BIN2: variants seen among roughly 807,000 people sequenced by gnomAD.
The protein encoded by BIN2 is bridging integrator 2.
In BIN2, 43 loss-of-function variants were observed where a neutral mutation model predicts 67.9. That is an observed-to-expected ratio of 0.63 (90% CI 0.50 to 0.82). The LOEUF is 0.82. Ranked by LOEUF, BIN2 falls within the 40% of genes least tolerant of loss-of-function variation. The pLI, the probability that BIN2 is intolerant of heterozygous loss-of-function variation, is 0.00. For synonymous variants in BIN2, 244 were observed against 246.8 expected, an observed-to-expected ratio of 0.99 and a Z score of 0.11; for missense variants, 581 against 671.6, an observed-to-expected ratio of 0.87 and a Z score of 1.49.
At chr12:51,314,051 T>C (rs1946063809) in intron 1 of BIN2, 148 bp from the exon 2 acceptor site, 2 of 275,106 alleles carry the variant, frequency 7.3e-6, no homozygotes, top group Middle Eastern at 1.2e-3. Context: ...TTTATTTATT[T>C]ATTTATTTAT....
intron 7 of BIN2, among the ~76,000 whole-genome samples, chr12:51,297,865 C>T (rs546618456): frequency 1.3e-5 from 2 of 152,276 alleles, no homozygotes; most frequent in Admixed American, 1.3e-4. Context: ...TTATGCAATA[C>T]AGGATGACTT....
rs1017332664 is a variant in BIN2 at position 51,313,855 on chromosome 12, C to G, written c.130G>C (p.Glu44Gln). The change falls in exon 2 of 13, where the codon GAA (glutamate) becomes CAA (glutamine). Residue 44 changes from glutamate to glutamine, a missense_variant. By Grantham distance (29) the Glu-to-Gln change is conservative (BLOSUM62 2). Transcript: ENST00000615107. Reference sequence around the variant, plus strand: ...TGGTAGAAGTTGCTAGCGCTTTGTTCAAATCGTTCATCTTTGGTTTCTACA... The same window carrying G: ...TGGTAGAAGTTGCTAGCGCTTTGTTGAAATCGTTCATCTTTGGTTTCTACA... Reference protein sequence around the residue: ...KAVETKDERFEQSASNFYQQQ... With the variant: ...KAVETKDERFQQSASNFYQQQ... The G allele has an allele frequency of 3.1e-6, 5 of 1,613,842 alleles. No homozygotes were observed. The highest frequency in any genetic ancestry group is 3.4e-6 in the Non-Finnish European group (4 of 1,179,862).
chr12:51,302,171 A>C, intron 4 of BIN2, 56 bp from the exon 5 acceptor site: 1 of 1,340,308 alleles, frequency 7.5e-7, no homozygotes, highest in Non-Finnish European at 1.1e-6. Context: ...ACAACTGCCT[A>C]CCAGGGAAAT....
At chr12:51,286,899 C>CT (rs1945249532) in intron 11 of BIN2, among the ~76,000 whole-genome samples, 1 of 149,304 alleles carries the variant, frequency 6.7e-6, no homozygotes, top group Non-Finnish European at 1.5e-5. Flanking sequence ...TCATGGCTCA[C>CT]TGTACCCTTG....
chr12:51,282,034 C>A (rs1274551194), intron 12 of BIN2, among the ~76,000 whole-genome samples: 1 of 152,150 alleles, frequency 6.6e-6, no homozygotes, highest in Non-Finnish European at 1.5e-5. Flanking sequence ...GGCACCTAGC[C>A]TCCTTAAGGA....
At chr12:51,313,783 T>C in intron 2 of BIN2, 40 bp downstream of exon 2, 1 of 1,558,572 alleles carries the variant, frequency 6.4e-7, no homozygotes, top group Non-Finnish European at 8.8e-7. Flanking sequence ...TCGTGTCTCC[T>C]TTCTTCTTCC....
intron 1 of BIN2, among the ~76,000 whole-genome samples, chr12:51,318,047 G>A (rs1946177922): frequency 6.6e-6 from 1 of 152,178 alleles, no homozygotes; most frequent in Non-Finnish European, 1.5e-5. Flanking sequence ...ACAGCAGAAA[G>A]AGGATTCCAG....
In BIN2 at chr12:51,285,463, T is replaced by A. The variant is rs553316627; in HGVS notation, c.1597-676A>T. On this transcript the variant is annotated intron_variant, in intron 11 of 12. Transcript: ENST00000615107. ...CATAGTGAGATCATCTCTAAAAATA[T>A]AAATTTTAAAAAAAAGAAAGAAAGC... Among the ~76,000 whole-genome samples, 1,157 of 151,890 alleles carry A rather than the reference T, an allele frequency of 7.6e-3. 16 individuals carry two copies. The highest frequency in any genetic ancestry group is 0.02 in the Middle Eastern group (6 of 294).
chr12:51,291,635 T>C lies in BIN2; in HGVS notation c.1471A>G (p.Asn491Asp). The C allele has an allele frequency of 3.1e-6, 5 of 1,612,948 alleles. No individual in the cohort carries two copies. Among genetic ancestry groups the C allele is most frequent in the Non-Finnish European group, 4.2e-6 (5 of 1,179,638 alleles). Reference sequence around the variant, plus strand: ...GGGGAAGTACAAAGTTCTTCAGGGTTCTGATTGTGGATGTTTTCATTTTCT... The same window carrying C: ...GGGGAAGTACAAAGTTCTTCAGGGTCCTGATTGTGGATGTTTTCATTTTCT... Reference protein sequence around the residue: ...AKENENIHNQNPEELCTSPTL... With the variant: ...AKENENIHNQDPEELCTSPTL... Residue 491 changes from asparagine (N) to aspartate (D), a missense_variant, in exon 10 of 13, where the codon AAC (asparagine) becomes GAC (aspartate). Transcript: ENST00000615107.
At position 51,324,072 on chromosome 12, in the gene BIN2, CG is replaced by C. The variant is rs1946366768; in HGVS notation, c.30del (p.Gly11AlafsTer26). MAEGKAGGAAGLFAKQVQKK... is the reference protein window; with the variant it reads MAEGKAGGAXGLFAKQVQKK... ...TTCTGCACCTGCTTGGCGAAGAGGCCGGCCGCGCCGCCTGCCTTGCCCTCTG... is the reference window on the plus strand; with the variant it reads ...TTCTGCACCTGCTTGGCGAAGAGGCCGCCGCGCCGCCTGCCTTGCCCTCTG... On this transcript the variant is annotated frameshift_variant, in exon 1 of 13. Transcript: ENST00000615107. LOFTEE classifies it high-confidence loss of function. 6.2e-7 allele frequency: 1 copy of C among 1,613,326 alleles called. No homozygotes were observed. Among genetic ancestry groups the C allele is most frequent in the South Asian group, 1.1e-5 (1 of 91,076 alleles).
In BIN2 at chr12:51,291,599, T is replaced by A; in HGVS notation, c.1507A>T (p.Thr503Ser). The A allele has an allele frequency of 6.3e-7, 1 of 1,597,434 alleles. No homozygotes were observed. The highest frequency in any genetic ancestry group is 8.5e-7 in the Non-Finnish European group (1 of 1,175,066). ...EELCTSPTLMTSQVASEPGEA... is the reference protein window; with the variant it reads ...EELCTSPTLMSSQVASEPGEA... ...ACCAGAACTACTCTTACCTGAGATG[T>A]CATTAAGGTGGGGGAAGTACAAAGT... is the stretch of plus-strand genomic sequence containing the variant. Residue 503 changes from threonine (T) to serine (S), a missense_variant, in exon 10 of 13, where the codon ACA becomes TCA. Coordinates refer to ENST00000615107, the MANE Select transcript of BIN2 (RefSeq NM_016293.4).
chr12:51,311,261 G>C (rs1232428482), intron 2 of BIN2, among the ~76,000 whole-genome samples: 1 of 151,624 alleles, frequency 6.6e-6, no homozygotes, highest in African/African-American at 2.4e-5. Context: ...TGTGTTGCCG[G>C]GTTTGTCTCA....
At chr12:51,298,843 G>A (rs1210726854) in intron 7 of BIN2, among the ~76,000 whole-genome samples, 3 of 151,958 alleles carry the variant, frequency 2.0e-5, no homozygotes. Flanking sequence ...CCAAGGCAGG[G>A]GGATCACTTG....
At chr12:51,305,988 C>T (rs1945857850) in intron 2 of BIN2, among the ~76,000 whole-genome samples, 2 of 151,718 alleles carry the variant, frequency 1.3e-5, no homozygotes, top group Admixed American at 1.3e-4. Flanking sequence ...AGGTGTGTGC[C>T]ACCACGCCTG....
chr12:51,322,875 CA>C (rs1182486844), intron 1 of BIN2: 2 of 152,168 alleles, frequency 1.3e-5, no homozygotes, highest in Non-Finnish European at 2.9e-5. Flanking sequence ...CTCTTAAAGT[CA>C]GGAGCTACAT....
rs1175032241 is a variant in BIN2 at position 51,290,348 on chromosome 12, C to T, written c.1515+1243G>A. On this transcript the variant is annotated intron_variant, in intron 10 of 12. Coordinates refer to ENST00000615107, the MANE Select transcript of BIN2 (RefSeq NM_016293.4). ...CCATGTTGGTTGGCCAGGCTGGTCTCGAACTCCTGGCCTCAAGTGATCTGC... is the reference window on the plus strand; with the variant it reads ...CCATGTTGGTTGGCCAGGCTGGTCTTGAACTCCTGGCCTCAAGTGATCTGC... 2.0e-5 allele frequency among the ~76,000 whole-genome samples: 3 copies of T among 151,704 alleles called. No homozygotes were observed. The East Asian group carries it at 5.9e-4, about 30-fold the overall frequency.
intron 1 of BIN2, among the ~76,000 whole-genome samples, chr12:51,319,436 C>A (rs531270121): frequency 6.6e-6 from 1 of 152,180 alleles, no homozygotes; most frequent in Non-Finnish European, 1.5e-5. Context: ...TTCTTCCCAA[C>A]GAAAGACCCT....
chr12:51,282,633 T>C (rs1472171943), intron 12 of BIN2, among the ~76,000 whole-genome samples: 1 of 152,174 alleles, frequency 6.6e-6, no homozygotes, highest in Non-Finnish European at 1.5e-5. Context: ...TCTCACTCCA[T>C]TGCCCAGGTT....
chr12:51,311,659 C>A (rs1489180374), intron 2 of BIN2, among the ~76,000 whole-genome samples: 1 of 151,846 alleles, frequency 6.6e-6, no homozygotes, highest in Non-Finnish European at 1.5e-5. Flanking sequence ...AGTATTACAG[C>A]CATAAGCCAC....
Sources: allele counts gnomAD v4.1 joint callset (sites outside exome capture counted in the v4.1 genomes callset), GRCh38; gene constraint gnomAD v4.1.1; transcripts MANE v1.5; gene names NCBI Gene and HGNC (gene_info 2026-07-23, HGNC 2026-07-21).